PPP2R5C: variants seen among roughly 807,000 people sequenced by gnomAD.
PPP2R5C encodes protein phosphatase 2 regulatory subunit B'gamma.
PPP2R5C carries 7 observed loss-of-function variants against 68.9 expected under a neutral mutation model. That is an observed-to-expected ratio of 0.10 (90% CI 0.06 to 0.19). The LOEUF (loss-of-function observed/expected upper bound fraction) is 0.19, where lower values mean the gene tolerates loss of function less well. Among genes scored for constraint, PPP2R5C ranks in the 10% least tolerant of loss-of-function variants. The pLI is 1.00. For missense variants in PPP2R5C, 348 were observed against 641.3 expected (o/e 0.54, Z 4.94); for synonymous variants, 210 against 222.2 (o/e 0.95, Z 0.49).
At chr14:101,847,748 C>T (rs905343088) in intron 1 of PPP2R5C, among the ~76,000 whole-genome samples, 4 of 151,374 alleles carry the variant, frequency 2.6e-5, no homozygotes, top group East Asian at 1.9e-4. Flanking sequence ...CTGCAACCTC[C>T]GCCTCCTGGG....
rs2141123005 is a variant in PPP2R5C at position 101,913,098 on chromosome 14, G to A, written c.1326+625G>A. On this transcript the variant is annotated intron_variant, in intron 12 of 13. Coordinates refer to ENST00000334743, the Ensembl canonical transcript of PPP2R5C. The surrounding 1 kb of genome is among the most constrained non-coding windows in gnomAD (Gnocchi z 4.1). ...CCAGGGTCCGGGAGGGTTTCCTGGTGTCATGGTCTTTGGGTTTGATGTACG... is the reference window on the plus strand; with the variant it reads ...CCAGGGTCCGGGAGGGTTTCCTGGTATCATGGTCTTTGGGTTTGATGTACG... 6.6e-6 allele frequency among the ~76,000 whole-genome samples: 1 copy of A among 152,354 alleles called. No individual in the cohort carries two copies. Among genetic ancestry groups the A allele is most frequent in the Middle Eastern group, 3.4e-3 (1 of 294 alleles).
At chr14:101,831,363 C>T (rs898281938) in intron 1 of PPP2R5C, among the ~76,000 whole-genome samples, 2 of 152,182 alleles carry the variant, frequency 1.3e-5, no homozygotes, top group Non-Finnish European at 2.9e-5. Context: ...ACATGTGCAA[C>T]AGGCTATTAA....
Position 101,917,733 on chromosome 14 carries a change from TG to T in PPP2R5C, c.1327-92del, listed in dbSNP as rs1243258964. The T allele has an allele frequency of 2.6e-6, 4 of 1,544,338 alleles. No homozygotes were observed. Among genetic ancestry groups the T allele is most frequent in the Non-Finnish European group, 3.5e-6 (4 of 1,139,338 alleles). The stretch of plus-strand genomic sequence containing the variant: ...GTGGGCTTCCTGCGGGAGAGGGCCC[TG>T]GGGGGCGGCAGGGGAGATGAGTCCC... On this transcript the variant is annotated intron_variant, in intron 12 of 13. Transcript: ENST00000334743. The surrounding 1 kb of genome is among the most constrained non-coding windows in gnomAD (Gnocchi z 4.4).
chr14:101,791,089 A>AAAAAG (rs1054113555), intron 3 of PPP2R5C, among the ~76,000 whole-genome samples: 1 of 152,238 alleles, frequency 6.6e-6, no homozygotes, highest in Admixed American at 6.5e-5. Context: ...CAAAAAAAGA[A>AAAAAG]AAAAGAAAAG....
chr14:101,765,370 GT>G (rs1187060111), intron 2 of PPP2R5C: 22 of 644,202 alleles, frequency 3.4e-5, no homozygotes, highest in South Asian at 1.0e-4. Context: ...TTTTATTATT[GT>G]TTTTTTTCCC....
exon 14 of PPP2R5C, chr14:101,925,448 T>G: frequency 8.6e-7 from 1 of 1,156,276 alleles, no homozygotes; most frequent in Non-Finnish European, 1.2e-6. Flanking sequence ...CAATGGTGAC[T>G]TCCCAGAGCC....
intron 10 of PPP2R5C, among the ~76,000 whole-genome samples, chr14:101,907,594 G>C (rs1268407384): frequency 6.6e-6 from 1 of 152,076 alleles, no homozygotes; most frequent in Admixed American, 6.5e-5. Flanking sequence ...AGAACTTAAA[G>C]AAGAGCAGGT....
chr14:101,927,121 T>C (rs918398893), exon 14 of PPP2R5C: 1 of 152,206 alleles, frequency 6.6e-6, no homozygotes, highest in Middle Eastern at 3.2e-3. Context: ...CTTTAGCTGA[T>C]AGATTCTCAA....
chr14:101,830,948 G>GGTATTGGAGCTTTA (rs2040697493), intron 1 of PPP2R5C, among the ~76,000 whole-genome samples: 1 of 152,208 alleles, frequency 6.6e-6, no homozygotes, highest in South Asian at 2.1e-4. Context: ...AGCATTTGCA[G>GGTATTGGAGCTTTA]GTATTGGAGC....
chr14:101,894,210 C>T (rs1405250544), intron 7 of PPP2R5C, among the ~76,000 whole-genome samples: 8 of 152,152 alleles, frequency 5.3e-5, no homozygotes, highest in Non-Finnish European at 5.9e-5. Context: ...TTAGATGACT[C>T]GTTGATTGTA....
intron 1 of PPP2R5C, among the ~76,000 whole-genome samples, chr14:101,812,898 T>TG (rs1225201988): frequency 6.6e-6 from 1 of 152,240 alleles, no homozygotes; most frequent in Non-Finnish European, 1.5e-5. Flanking sequence ...CCAAGTAGTC[T>TG]GGACTTTGCG....
chr14:101,924,246 TAC>T (rs1449720442), intron 13 of PPP2R5C, among the ~76,000 whole-genome samples: 1 of 152,114 alleles, frequency 6.6e-6, no homozygotes, highest in African/African-American at 2.4e-5. Flanking sequence ...TTATTGCAGA[TAC>T]AGTTATCCAA....
chr14:101,889,387 C>T lies in PPP2R5C; in HGVS notation c.630-850C>T, dbSNP rs186564331. On this transcript the variant is annotated intron_variant, in intron 5 of 13. Coordinates refer to ENST00000334743, the Ensembl canonical transcript of PPP2R5C. ...TCTTTGTTTCTGTAGGAGCCCTTTGCGGGGAGGACATTTTCCTGTTTCCTA... is the reference window on the plus strand; with the variant it reads ...TCTTTGTTTCTGTAGGAGCCCTTTGTGGGGAGGACATTTTCCTGTTTCCTA... Among the ~76,000 whole-genome samples the T allele has an allele frequency of 9.2e-5, 14 of 152,252 alleles. No homozygotes were observed. The East Asian group carries it at 1.2e-3, about 13-fold the overall frequency.
At chr14:101,826,536 C>T (rs1240188613) in intron 1 of PPP2R5C, among the ~76,000 whole-genome samples, 1 of 152,186 alleles carries the variant, frequency 6.6e-6, no homozygotes, top group African/African-American at 2.4e-5. Flanking sequence ...ATTACTGTAG[C>T]TCTGTTGTAA....
At chr14:101,762,953 G>A (rs1306260716) in exon 2 of PPP2R5C, 1 of 1,578,852 alleles carries the variant, frequency 6.3e-7, no homozygotes, top group Non-Finnish European at 8.6e-7. Flanking sequence ...AGAAGGACAA[G>A]ACACAGTAGA....
chr14:101,787,080 C>T (rs1415232797), intron 3 of PPP2R5C, among the ~76,000 whole-genome samples: 1 of 152,024 alleles, frequency 6.6e-6, no homozygotes, highest in Non-Finnish European at 1.5e-5. Flanking sequence ...AGGGAGACTC[C>T]GTCTCTACAA....
At chr14:101,858,895 A>G (rs1181363666) in intron 2 of PPP2R5C, among the ~76,000 whole-genome samples, 2 of 152,204 alleles carry the variant, frequency 1.3e-5, no homozygotes, top group South Asian at 2.1e-4. Flanking sequence ...TGTATTTCAC[A>G]GTAGCAGTGT....
intron 2 of PPP2R5C, among the ~76,000 whole-genome samples, chr14:101,859,536 T>C (rs1428413618): frequency 6.6e-6 from 1 of 152,198 alleles, no homozygotes; most frequent in Non-Finnish European, 1.5e-5. Flanking sequence ...GGAGGTAGAA[T>C]AGGGGATGGG....
At chr14:101,778,007 C>G (rs1566828516) in intron 2 of PPP2R5C, among the ~76,000 whole-genome samples, 1 of 152,002 alleles carries the variant, frequency 6.6e-6, no homozygotes, top group Non-Finnish European at 1.5e-5. Flanking sequence ...CGGGCTTAAG[C>G]AATCCTCCTG....
Sources: gnomAD v4.1 joint callset for allele counts (sites outside exome capture counted in the v4.1 genomes callset) on GRCh38, gnomAD v4.1.1 for gene constraint, Gnocchi (gnomAD v3.1) non-coding constraint, MANE v1.5 for transcripts, NCBI Gene and HGNC (gene_info 2026-07-23, HGNC 2026-07-21) for gene names.